TDO2: variants seen among roughly 807,000 people sequenced by gnomAD.
TDO2 encodes the protein tryptamin 2,3-dioxygenase.
In TDO2, 63 loss-of-function variants were observed where a neutral mutation model predicts 61.2. The observed-to-expected ratio is 1.03, with a 90% CI of 0.84 to 1.27. TDO2 has a LOEUF of 1.27. TDO2 is among the 50% of genes most tolerant of loss of function. The pLI is 0.00. For synonymous variants in TDO2, 183 were observed against 164.0 expected (o/e 1.12, Z -0.89); for missense variants, 494 against 469.5 (o/e 1.05, Z -0.48).
chr4:155,917,106 C>T (rs1345035657), intron 9 of TDO2, among the ~76,000 whole-genome samples: 1 of 152,192 alleles, frequency 6.6e-6, no homozygotes, highest in Non-Finnish European at 1.5e-5. Context: ...TAATAGTGCA[C>T]CTGTCTCGCT....
chr4:155,904,655 C>T (rs1043103294), intron 2 of TDO2, among the ~76,000 whole-genome samples: 2 of 151,962 alleles, frequency 1.3e-5, no homozygotes, highest in Non-Finnish European at 2.9e-5. Flanking sequence ...ATGATTAGTC[C>T]TTGATGTCTT....
chr4:155,911,708 T>G, intron 7 of TDO2, 104 bp downstream of exon 7: 1 of 747,818 alleles, frequency 1.3e-6, no homozygotes, highest in Non-Finnish European at 2.0e-6. Flanking sequence ...TTCTCATATT[T>G]TTTTCTTAGA....
chr4:155,910,815 T>A (rs1742815735), intron 6 of TDO2, among the ~76,000 whole-genome samples: 1 of 151,804 alleles, frequency 6.6e-6, no homozygotes, highest in South Asian at 2.2e-4. Context: ...TGCTCATTAA[T>A]CCTCTGGGTA....
rs75425905 is a variant in TDO2 at position 155,912,630 on chromosome 4, G to A, written c.726+1026G>A. On this transcript the variant is annotated intron_variant, in intron 7 of 11. Coordinates refer to ENST00000536354, the MANE Select transcript of TDO2 (RefSeq NM_005651.4). Reference sequence around the variant, plus strand: ...CTCTCTCAGACCAATAAATGGTAGAGTTTTGTAGTCCATTGGCTTAGATCC... The same window carrying A: ...CTCTCTCAGACCAATAAATGGTAGAATTTTGTAGTCCATTGGCTTAGATCC... Among the ~76,000 whole-genome samples the A allele has an allele frequency of 3.9e-3, 594 of 152,154 alleles. 2 individuals are homozygous for A. The highest frequency in any genetic ancestry group is 0.014 in the African/African-American group (570 of 41,520).
rs1274436770 is a variant in TDO2, at chr4:155,907,805, G to A, written c.303+13G>A. 6 of 1,600,602 alleles carry A rather than the reference G, an allele frequency of 3.7e-6. No individual in the cohort carries two copies. The South Asian group carries it at 4.4e-5, about 12-fold the overall frequency. Reference sequence around the variant, plus strand: ...TCAGAATGGCCATGTAAGTTCTTATGTCACAATATTGGTTTCATGTATATT... The same window carrying A: ...TCAGAATGGCCATGTAAGTTCTTATATCACAATATTGGTTTCATGTATATT... On this transcript the variant is annotated intron_variant, in intron 4 of 11. Transcript: ENST00000536354.
intron 8 of TDO2, among the ~76,000 whole-genome samples, chr4:155,914,987 C>T (rs1457069072): frequency 6.6e-6 from 1 of 152,092 alleles, no homozygotes; most frequent in Non-Finnish European, 1.5e-5. Context: ...TGGAATGTTC[C>T]TGCCCTCTTT....
chr4:155,919,919 A>G lies in TDO2; in HGVS notation c.1150A>G (p.Thr384Ala). ...ACACTGGATACCGAAGATGAACCCA[A>G]CCATTCACAAATTTCTATATACAGC... The part of the protein sequence containing the change: ...PRHWIPKMNP[T>A]IHKFLYTAEY... The change falls in exon 12 of 12, where the codon ACC (threonine) becomes GCC (alanine). Residue 384 changes from threonine (T) to alanine (A), a missense_variant. Coordinates refer to ENST00000536354, the MANE Select transcript of TDO2 (RefSeq NM_005651.4). 1 of 1,613,654 alleles carries G rather than the reference A, an allele frequency of 6.2e-7. No individual in the cohort carries two copies. Among genetic ancestry groups the G allele is most frequent in the Non-Finnish European group, 8.5e-7 (1 of 1,179,708 alleles).
At chr4:155,915,200 C>T (rs750804874) in intron 8 of TDO2, among the ~76,000 whole-genome samples, 21 of 152,244 alleles carry the variant, frequency 1.4e-4, no homozygotes, top group African/African-American at 4.1e-4. Flanking sequence ...TTTATTGTAA[C>T]GCATCCCAAA....
chr4:155,917,697 G>T (rs1289894415), intron 10 of TDO2, among the ~76,000 whole-genome samples: 1 of 152,026 alleles, frequency 6.6e-6, no homozygotes, highest in Admixed American at 6.6e-5. Context: ...ACTTTTGGGG[G>T]CTCATGAAAA....
rs1308010523 is a variant in TDO2 at position 155,911,526 on chromosome 4, G to A, written c.648G>A (p.Glu216=). The change falls in exon 7 of 12, where the codon GAG becomes GAA. Residue 216 remains glutamate (E), a synonymous_variant. Transcript: ENST00000536354. ...EAWLERTPGL[E]PHGFNFWGKL... is the part of the protein sequence containing the mutation. The stretch of plus-strand genomic sequence containing the variant: ...GGCTGGAAAGAACTCCAGGTTTAGA[G>A]CCACATGGATTTAACTTCTGGGGAA... 1 of 1,597,930 alleles carries A rather than the reference G, an allele frequency of 6.3e-7. No homozygotes were observed. The highest frequency in any genetic ancestry group is 8.5e-7 in the Non-Finnish European group (1 of 1,170,888).
At chr4:155,912,684 T>A (rs1742856612) in intron 7 of TDO2, among the ~76,000 whole-genome samples, 1 of 152,114 alleles carries the variant, frequency 6.6e-6, no homozygotes, top group African/African-American at 2.4e-5. Flanking sequence ...ACTCTTTCAT[T>A]AGATGGTGTC....
In TDO2 at chr4:155,920,162, C is replaced by T. The variant is rs1306514917; in HGVS notation, c.*172C>T. ...ACCTCTTGTTTGTGACAAGACTAAG[C>T]ATTAAGATGAGAAAGAATACATTTA... On this transcript the variant is annotated 3_prime_UTR_variant, in exon 12 of 12. Coordinates refer to ENST00000536354, the MANE Select transcript of TDO2 (RefSeq NM_005651.4). 44 of 613,614 alleles carry T rather than the reference C, an allele frequency of 7.2e-5. No individual in the cohort carries two copies. The highest frequency in any genetic ancestry group is 1.2e-4 in the Non-Finnish European group (42 of 360,284). The allele number at this position is 613,614 out of a possible 1,614,324, so 38.0% of individuals were successfully genotyped here.
chr4:155,904,669 C>G (rs1159798184), intron 2 of TDO2, among the ~76,000 whole-genome samples: 1 of 151,958 alleles, frequency 6.6e-6, no homozygotes, highest in Admixed American at 6.6e-5. Context: ...ATGTCTTCAT[C>G]GGTGAGTTTC....
intron 11 of TDO2, 120 bp from the exon 12 acceptor site, chr4:155,919,717 A>G: frequency 2.6e-6 from 2 of 774,686 alleles, no homozygotes. Flanking sequence ...ACAACATGCA[A>G]TATATATTAT....
chr4:155,920,204 A>C lies in TDO2; in HGVS notation c.*214A>C. 2 of 525,562 alleles carry C rather than the reference A, an allele frequency of 3.8e-6. No homozygotes were observed. The highest frequency in any genetic ancestry group is 5.2e-5 in the South Asian group (2 of 38,194). 32.6% of individuals were successfully genotyped at this position (525,562 alleles called of 1,614,324 possible). On this transcript the variant is annotated 3_prime_UTR_variant, in exon 12 of 12. Transcript: ENST00000536354. ...ATACATTTAAATAGTAACATTGTAC[A>C]TAGGGTGTTTTCCTATTAAAAATTC...
chr4:155,907,009 A>G (rs1305037200), intron 3 of TDO2: 1 of 152,228 alleles, frequency 6.6e-6, no homozygotes, highest in East Asian at 1.9e-4. Flanking sequence ...GGGGAGAACA[A>G]ACTTAATCCT....
chr4:155,918,880 T>C (rs984015628), intron 11 of TDO2: 1 of 152,254 alleles, frequency 6.6e-6, no homozygotes, highest in African/African-American at 2.4e-5. Flanking sequence ...AATTCAAGAA[T>C]AAATTAGACA....
At chr4:155,911,737 C>T in intron 7 of TDO2, 133 bp downstream of exon 7, 1 of 565,028 alleles carries the variant, frequency 1.8e-6, no homozygotes, top group Non-Finnish European at 3.0e-6. Context: ...TTTTCTTGGA[C>T]TATGTGACAT....
Position 155,905,157 on chromosome 4 carries a change from G to T in TDO2, c.232G>T (p.Ala78Ser). Residue 78 changes from alanine to serine, a missense_variant and splice_region_variant, in exon 3 of 12, where the codon GCT becomes TCT. Physicochemically the swap from Ala to Ser is moderately conservative, Grantham distance 99. Coordinates refer to ENST00000536354, the MANE Select transcript of TDO2 (RefSeq NM_005651.4). ...ACATCTTTTTATCATAACTCATCAA[G>T]GTAAGTTGCACAAAGGTTTTGGACA... Reference protein sequence around the residue: ...DEHLFIITHQAYELWFKQILW... With the variant: ...DEHLFIITHQSYELWFKQILW... 1 of 1,577,052 alleles carries T rather than the reference G, an allele frequency of 6.3e-7. No individual in the cohort carries two copies. The highest frequency in any genetic ancestry group is 8.6e-7 in the Non-Finnish European group (1 of 1,163,256).
Sources: allele counts gnomAD v4.1 joint callset (sites outside exome capture counted in the v4.1 genomes callset), GRCh38; gene constraint gnomAD v4.1.1; transcripts MANE v1.5; gene names NCBI Gene and HGNC (gene_info 2026-07-23, HGNC 2026-07-21).